Variants in TRDN observed in about 807,000 individuals in gnomAD.
TRDN encodes the protein triadin, also known as triadin in skeletal muscle.
A neutral mutation model predicts 149.7 loss-of-function variants in TRDN; 161 were observed. That is an observed-to-expected ratio of 1.08 (90% CI 0.95 to 1.23). The LOEUF (loss-of-function observed/expected upper bound fraction) is 1.23. Ranked by LOEUF, TRDN falls within the 50% of genes most tolerant of loss-of-function variation. TRDN has a pLI of 0.00. For synonymous variants in TRDN, 294 were observed against 250.5 expected (o/e 1.17, Z -1.64); for missense variants, 896 against 823.5 (o/e 1.09, Z -1.08).
intron 7 of TRDN, among the ~76,000 whole-genome samples, chr6:123,505,778 C>A (rs1268108372): frequency 3.3e-5 from 5 of 151,688 alleles, no homozygotes; most frequent in African/African-American, 4.8e-5. Flanking sequence ...CGGCTCACTG[C>A]AACCTCTGCC....
intron 9 of TRDN, among the ~76,000 whole-genome samples, chr6:123,486,888 C>G (rs988433494): frequency 6.6e-6 from 1 of 151,842 alleles, no homozygotes; most frequent in African/African-American, 2.4e-5. Context: ...CAGAATTTGT[C>G]CATATGATCC....
intron 38 of TRDN, among the ~76,000 whole-genome samples, chr6:123,230,602 A>T (rs1775563670): frequency 6.6e-6 from 1 of 151,882 alleles, no homozygotes; most frequent in African/African-American, 2.4e-5. Flanking sequence ...GATAATTGGA[A>T]TATATTCAAC....
chr6:123,456,622 C>T (rs2114676533), intron 10 of TRDN, among the ~76,000 whole-genome samples: 1 of 152,170 alleles, frequency 6.6e-6, no homozygotes, highest in East Asian at 1.9e-4. Context: ...GCATATGCCT[C>T]CATGCCCGGC....
intron 23 of TRDN, among the ~76,000 whole-genome samples, chr6:123,330,682 G>A (rs140755969): frequency 7.8e-4 from 118 of 152,088 alleles, no homozygotes; most frequent in Admixed American, 3.6e-3. Flanking sequence ...AAAAAATCAT[G>A]TTGTGTTCTT....
At chr6:123,455,143 T>C (rs1215408810) in intron 10 of TRDN, among the ~76,000 whole-genome samples, 2 of 152,218 alleles carry the variant, frequency 1.3e-5, no homozygotes, top group African/African-American at 2.4e-5. Context: ...GATTTTTTTT[T>C]CATATTTCTG....
intron 21 of TRDN, among the ~76,000 whole-genome samples, chr6:123,341,284 C>G (rs139159486): frequency 0.013 from 1,961 of 151,904 alleles, 41 homozygotes; most frequent in African/African-American, 0.043. Flanking sequence ...ATAACTTGGT[C>G]AGGACACTGT....
chr6:123,344,492 C>T (rs1012250083), intron 21 of TRDN, among the ~76,000 whole-genome samples: 2 of 151,980 alleles, frequency 1.3e-5, no homozygotes, highest in African/African-American at 4.8e-5. Context: ...CATACTTTTG[C>T]CTTTTCCAGA....
intron 1 of TRDN, among the ~76,000 whole-genome samples, chr6:123,603,027 G>A (rs1037711996): frequency 6.6e-6 from 1 of 152,194 alleles, no homozygotes; most frequent in African/African-American, 2.4e-5. Context: ...TCTAACATTA[G>A]TTCTCACTTA....
At chr6:123,378,036 A>T (rs1781575596) in intron 16 of TRDN, 138 bp from the exon 17 acceptor site, 2 of 566,850 alleles carry the variant, frequency 3.5e-6, no homozygotes, top group African/African-American at 3.8e-5. Context: ...TTACATAAAA[A>T]GGCTAAGATT....
At chr6:123,547,257 A>T in intron 4 of TRDN, 83 bp downstream of exon 4, 1 of 835,100 alleles carries the variant, frequency 1.2e-6, no homozygotes, top group African/African-American at 1.8e-5. Flanking sequence ...ATATTAAAAT[A>T]AGTAAAATAT....
At chr6:123,456,979 C>A (rs923720636) in intron 10 of TRDN, 3 of 356,434 alleles carry the variant, frequency 8.4e-6, no homozygotes, top group Admixed American at 3.4e-5. Context: ...TAAGCAAGAG[C>A]ATTGGAGGAA....
intron 10 of TRDN, among the ~76,000 whole-genome samples, chr6:123,450,064 A>C (rs1374703347): frequency 6.6e-6 from 1 of 152,238 alleles, no homozygotes; most frequent in Admixed American, 6.5e-5. Context: ...AACTGCTAAA[A>C]GGAGCTCTAA....
rs527852729 is a variant in TRDN, at chr6:123,467,716, T to C, written c.854-2733A>G. 1.3e-3 allele frequency among the ~76,000 whole-genome samples: 199 copies of C among 152,276 alleles called. 1 individual carries two copies. Among genetic ancestry groups the C allele is most frequent in the Non-Finnish European group, 2.4e-3 (165 of 68,008 alleles). ...CTTTGGTCCTGACTCATATAATCAG[T>C]AATGTCAGAGAATCTTATTGAAATC... On this transcript the variant is annotated intron_variant, in intron 9 of 40. Transcript: ENST00000334268.
intron 1 of TRDN, among the ~76,000 whole-genome samples, chr6:123,603,023 A>T (rs1039004091): frequency 3.3e-5 from 5 of 152,208 alleles, no homozygotes; most frequent in Admixed American, 3.3e-4. Flanking sequence ...TTAATCTAAC[A>T]TTAGTTCTCA....
chr6:123,418,843 CT>C (rs910897491), intron 12 of TRDN, among the ~76,000 whole-genome samples: 3 of 152,074 alleles, frequency 2.0e-5, no homozygotes, highest in African/African-American at 4.8e-5. Flanking sequence ...CTCATGGCTG[CT>C]TTTTTTATGA....
intron 2 of TRDN, among the ~76,000 whole-genome samples, chr6:123,557,154 G>A (rs1484261768): frequency 6.8e-6 from 1 of 147,628 alleles, no homozygotes; most frequent in Non-Finnish European, 1.5e-5. Flanking sequence ...TCCCTTCACT[G>A]ACTCTCTTTT....
chr6:123,433,182 T>TATAC (rs1562310492), intron 12 of TRDN, among the ~76,000 whole-genome samples: 146 of 143,338 alleles, frequency 1.0e-3, no homozygotes, highest in African/African-American at 3.2e-3. Context: ...TATATATATA[T>TATAC]ACATCACACA....
At chr6:123,433,127 TC>T (rs1221352279) in intron 12 of TRDN, among the ~76,000 whole-genome samples, 1 of 126,280 alleles carries the variant, frequency 7.9e-6, no homozygotes, top group Non-Finnish European at 1.7e-5. Context: ...ACACTCCCCT[TC>T]CCCCACACAT....
In TRDN at chr6:123,375,630, A is replaced by G. The variant is rs1422054970; in HGVS notation, c.1248T>C (p.Val416=). Residue 416 remains valine, a splice_region_variant and synonymous_variant, in exon 19 of 41, where the codon GTT becomes GTC. Coordinates refer to ENST00000334268, the MANE Select transcript of TRDN (RefSeq NM_006073.4). The part of the protein sequence containing the change: ...PAKSPKKEHS[V]PSDKQVKAKT... ...TTGCTTTTACTTGTTTGTCACTTGG[A>G]ACTGTTAATGACAAGAAATAATAAG... 14 of 1,528,464 alleles carry G rather than the reference A, an allele frequency of 9.2e-6. No individual in the cohort carries two copies. The highest frequency in any genetic ancestry group is 1.2e-5 in the Non-Finnish European group (14 of 1,135,994). The allele number at this position is 1,528,464 out of a possible 1,614,324, so 94.7% of individuals were successfully genotyped here.
Sources: gnomAD v4.1 joint callset for allele counts (sites outside exome capture counted in the v4.1 genomes callset) on GRCh38, gnomAD v4.1.1 for gene constraint, MANE v1.5 for transcripts, NCBI Gene and HGNC (gene_info 2026-07-23, HGNC 2026-07-21) for gene names.